Variants in IDO2 observed in about 807,000 individuals in gnomAD.
IDO2 encodes the protein indoleamine 2,3-dioxygenase 2, also known as indoleamine 2,3-dioxygenase-like 1 protein.
IDO2 carries 46 observed loss-of-function variants against 45.1 expected under a neutral mutation model. The ratio of observed to expected loss-of-function variants is 1.02; its 90% CI spans 0.80 to 1.30. The LOEUF (loss-of-function observed/expected upper bound fraction) is 1.30. Ranked by LOEUF, IDO2 falls within the 50% of genes most tolerant of loss-of-function variation. The pLI, the probability that IDO2 is intolerant of heterozygous loss-of-function variation, is 0.00. For missense variants in IDO2, 544 were observed against 491.8 expected (o/e 1.11, Z -1.00); for synonymous variants, 218 against 184.9 (o/e 1.18, Z -1.45).
At chr8:39,940,119 T>C (rs932467736) in intron 1 of IDO2, among the ~76,000 whole-genome samples, 9 of 152,142 alleles carry the variant, frequency 5.9e-5, no homozygotes, top group Non-Finnish European at 8.8e-5. Flanking sequence ...CTAGCCAACT[T>C]CCTCTTAGTA....
chr8:39,959,190 C>G (rs1807951598), intron 2 of IDO2, among the ~76,000 whole-genome samples: 1 of 151,506 alleles, frequency 6.6e-6, no homozygotes, highest in African/African-American at 2.4e-5. Context: ...TCACTGCAAG[C>G]TCTGCCTCCC....
intron 3 of IDO2, among the ~76,000 whole-genome samples, chr8:39,972,374 C>A (rs532547852): frequency 5.9e-5 from 9 of 151,922 alleles, no homozygotes; most frequent in Admixed American, 3.9e-4. Context: ...TTTGGGAAGC[C>A]GAGGCAGGCG....
chr8:39,997,338 G>A (rs1802061490), intron 8 of IDO2, among the ~76,000 whole-genome samples: 1 of 151,708 alleles, frequency 6.6e-6, no homozygotes, highest in Non-Finnish European at 1.5e-5. Context: ...ACTCTCCTAG[G>A]AAACAAAAAT....
At chr8:40,010,589 C>G (rs765539386) in intron 9 of IDO2, among the ~76,000 whole-genome samples, 1 of 152,070 alleles carries the variant, frequency 6.6e-6, no homozygotes, top group Admixed American at 6.6e-5. Context: ...GTGGCTTGTA[C>G]TAGGGTACAA....
chr8:40,012,051 G>A (rs1158678990), intron 9 of IDO2, among the ~76,000 whole-genome samples: 3 of 152,178 alleles, frequency 2.0e-5, no homozygotes, highest in Non-Finnish European at 4.4e-5. Context: ...CGTCCCCAGT[G>A]AAAACAACCT....
intron 1 of IDO2, among the ~76,000 whole-genome samples, chr8:39,943,742 A>G: frequency 1.6e-5 from 1 of 61,542 alleles, no homozygotes; most frequent in African/African-American, 4.7e-5. Flanking sequence ...TCTCAAAAAA[A>G]AAAAAAAAAA....
intron 1 of IDO2, among the ~76,000 whole-genome samples, chr8:39,939,107 C>T (rs1222223362): frequency 6.6e-6 from 1 of 151,910 alleles, no homozygotes; most frequent in Non-Finnish European, 1.5e-5. Context: ...CAAAAATTAG[C>T]CCGGTGTGGT....
intron 3 of IDO2, among the ~76,000 whole-genome samples, chr8:39,972,558 C>G (rs1377612504): frequency 8.3e-6 from 1 of 119,804 alleles, no homozygotes; most frequent in Non-Finnish European, 1.6e-5. Flanking sequence ...TGCAGTGAGT[C>G]AAGATCTCGC....
intron 8 of IDO2, among the ~76,000 whole-genome samples, chr8:40,003,876 T>G (rs1406454497): frequency 6.6e-6 from 1 of 152,244 alleles, no homozygotes; most frequent in Non-Finnish European, 1.5e-5. Context: ...TTCTGTGGAT[T>G]CCTTTTATCC....
At chr8:39,992,748 G>A (rs866769089) in intron 8 of IDO2, among the ~76,000 whole-genome samples, 22 of 152,218 alleles carry the variant, frequency 1.4e-4, no homozygotes, top group Admixed American at 3.9e-4. Context: ...AAAATGGAGC[G>A]TACCAAACAA....
chr8:39,979,067 A>G (rs1204797576), exon 4 of IDO2: 2 of 1,578,306 alleles, frequency 1.3e-6, no homozygotes, highest in African/African-American at 2.7e-5. Flanking sequence ...TCATGAACAG[A>G]TGCCCCTGCT....
intron 3 of IDO2, among the ~76,000 whole-genome samples, chr8:39,968,102 A>C (rs1745794047): frequency 6.6e-6 from 1 of 150,986 alleles, no homozygotes; most frequent in South Asian, 2.1e-4. Flanking sequence ...AATCTGGAAG[A>C]AAACAGGATA....
At chr8:40,015,591 C>T in exon 11 of IDO2, 2 of 1,610,062 alleles carry the variant, frequency 1.2e-6, no homozygotes, top group Middle Eastern at 1.8e-4. Flanking sequence ...AATCCTTCAC[C>T]CACGTGGTTA....
chr8:39,980,881 C>G (rs1236530230), intron 4 of IDO2, among the ~76,000 whole-genome samples: 1 of 151,836 alleles, frequency 6.6e-6, no homozygotes, highest in Admixed American at 6.6e-5. Flanking sequence ...TCCTGAGTAG[C>G]TGGGATTACA....
chr8:39,938,296 A>ATATCTG (rs10666900), intron 1 of IDO2, among the ~76,000 whole-genome samples: 1 of 151,826 alleles, frequency 6.6e-6, no homozygotes, highest in East Asian at 1.9e-4. Context: ...TTCTCTATCT[A>ATATCTG]TATCTATATA....
At chr8:40,013,604 TGAA>T in exon 10 of IDO2, 2 of 1,613,846 alleles carry the variant, frequency 1.2e-6, no homozygotes, top group Non-Finnish European at 1.7e-6. Context: ...GGCTGATGTA[TGAA>T]GGAGTTTCCC....
intron 5 of IDO2, 104 bp from the exon 6 acceptor site, chr8:39,985,404 G>A: frequency 1.0e-6 from 1 of 976,116 alleles, no homozygotes; most frequent in Non-Finnish European, 1.6e-6. Flanking sequence ...GCATGCCTGT[G>A]GACATGTGAC....
At chr8:39,995,029 T>A (rs1218387775) in intron 8 of IDO2, 1 of 152,160 alleles carries the variant, frequency 6.6e-6, no homozygotes, top group African/African-American at 2.4e-5. Flanking sequence ...CACTCACTCA[T>A]GCAAAAGGTC....
intron 2 of IDO2, among the ~76,000 whole-genome samples, chr8:39,949,879 T>C (rs1807788256): frequency 6.6e-6 from 1 of 152,208 alleles, no homozygotes; most frequent in African/African-American, 2.4e-5. Flanking sequence ...TTGTGGCAAT[T>C]TCTGAGAAGG....
Sources: allele counts gnomAD v4.1 joint callset (sites outside exome capture counted in the v4.1 genomes callset), GRCh38; gene constraint gnomAD v4.1.1; transcripts MANE v1.5; gene names NCBI Gene and HGNC (gene_info 2026-07-23, HGNC 2026-07-21).